Variants in ZDHHC7 observed in about 807,000 individuals in gnomAD.
The protein encoded by ZDHHC7 is palmitoyltransferase ZDHHC7.
Under a neutral mutation model 34.1 loss-of-function variants are expected in ZDHHC7, and 12 were observed. That is an observed-to-expected ratio of 0.35 (90% CI 0.23 to 0.57). The LOEUF (loss-of-function observed/expected upper bound fraction) is 0.57, where lower values mean the gene tolerates loss of function less well. Among genes scored for constraint, ZDHHC7 ranks in the 20% least tolerant of loss-of-function variants. The pLI is 0.84. For missense variants in ZDHHC7, 388 were observed against 402.7 expected (o/e 0.96, Z 0.31); for synonymous variants, 185 against 155.4 (o/e 1.19, Z -1.42).
the ZDHHC7 span, among the ~76,000 whole-genome samples, chr16:85,024,061 G>C: frequency 6.6e-6 from 1 of 151,964 alleles, no homozygotes; most frequent in Admixed American, 6.6e-5. Context: ...GAGATTTCAG[G>C]CATGTGCCAC....
chr16:85,016,045 A>T (rs1281286594), upstream of ZDHHC7, among the ~76,000 whole-genome samples: 1 of 151,988 alleles, frequency 6.6e-6, no homozygotes, highest in Non-Finnish European at 1.5e-5. Flanking sequence ...ATATATAGTG[A>T]GGCATTTCCA....
At chr16:85,012,279 G>A (rs761001530), upstream of ZDHHC7, among the ~76,000 whole-genome samples, 2 of 151,252 alleles carry the variant, frequency 1.3e-5, no homozygotes, top group Non-Finnish European at 2.9e-5. Context: ...GCAGCTACTC[G>A]AGAGGCTGAG....
intron 3 of ZDHHC7, among the ~76,000 whole-genome samples, chr16:84,986,773 T>C (rs941602127): frequency 2.0e-5 from 3 of 152,164 alleles, no homozygotes; most frequent in Admixed American, 6.5e-5. Flanking sequence ...CCCAGTCCTA[T>C]TGGTTTAGAA....
intron 1 of ZDHHC7, among the ~76,000 whole-genome samples, chr16:85,006,716 G>A (rs559059883): frequency 6.7e-6 from 1 of 149,914 alleles, no homozygotes; most frequent in East Asian, 2.0e-4. Flanking sequence ...CTCCAGCCTA[G>A]GTGACAGAAT....
At chr16:84,998,391 T>A (rs543842440) in intron 1 of ZDHHC7, among the ~76,000 whole-genome samples, 1 of 152,238 alleles carries the variant, frequency 6.6e-6, no homozygotes, top group South Asian at 2.1e-4. Flanking sequence ...GGCTCTGGCT[T>A]CGGCGCCGGC....
At chr16:84,990,683 A>ATCCCAGCACTTTGGGAGGCCGAG in intron 2 of ZDHHC7, 48 bp from the exon 3 acceptor site, 1 of 1,502,672 alleles carries the variant, frequency 6.7e-7, no homozygotes, top group Admixed American at 1.9e-5. Flanking sequence ...AAAGCTCACA[A>ATCCCAGCACTTTGGGAGGCCGAG]GCTACCTTAA....
upstream of ZDHHC7, among the ~76,000 whole-genome samples, chr16:85,013,251 A>G (rs1331735490): frequency 1.3e-5 from 2 of 151,810 alleles, no homozygotes; most frequent in Admixed American, 6.6e-5. Context: ...TATTATTATT[A>G]TTTTACTTTG....
intron 3 of ZDHHC7, 83 bp from the exon 4 acceptor site, chr16:84,982,077 A>T (rs2072377509): frequency 3.1e-5 from 49 of 1,564,320 alleles, no homozygotes; most frequent in Non-Finnish European, 4.3e-5. Flanking sequence ...CACACCTGTA[A>T]TCCCAGCACT....
At position 84,974,286 on chromosome 16, in the gene ZDHHC7, C is replaced by G. The variant is rs1313379146; in HGVS notation, c.*2057G>C. ...ACAAGCAACAGTACTCACTGGGCAA[C>G]ATTTGTGAGTCGCGCTTGAGTGCCC... On this transcript the variant is annotated 3_prime_UTR_variant, in exon 8 of 8. Coordinates refer to ENST00000313732, the MANE Select transcript of ZDHHC7 (RefSeq NM_017740.3). 6.6e-6 allele frequency: 1 copy of G among 152,162 alleles called. No homozygotes were observed. Among genetic ancestry groups the G allele is most frequent in the Non-Finnish European group, 1.5e-5 (1 of 68,036 alleles). 9.4% of individuals were successfully genotyped at this position (152,162 alleles called of 1,614,324 possible).
intron 1 of ZDHHC7, among the ~76,000 whole-genome samples, chr16:85,009,772 G>A (rs9935407): frequency 0.16 from 23,869 of 145,678 alleles, 1,989 homozygotes; most frequent in Middle Eastern, 0.2. Context: ...GCAGTGGCGC[G>A]ATCTTGGCTC....
chr16:84,981,665 G>C (rs954589165), intron 4 of ZDHHC7, among the ~76,000 whole-genome samples: 19 of 152,204 alleles, frequency 1.2e-4, no homozygotes, highest in African/African-American at 4.6e-4. Flanking sequence ...CTGTTTCCCA[G>C]CTCCCAAAAA....
intron 4 of ZDHHC7, among the ~76,000 whole-genome samples, chr16:84,980,561 T>C (rs894584029): frequency 2.6e-5 from 4 of 151,838 alleles, no homozygotes; most frequent in African/African-American, 9.7e-5. Context: ...TCCCAGCTAC[T>C]AGGGAGGCTG....
intron 4 of ZDHHC7, 23 bp downstream of exon 4, chr16:84,981,847 G>A (rs370601961): frequency 6.8e-6 from 11 of 1,613,442 alleles, no homozygotes; most frequent in Non-Finnish European, 9.3e-6. Context: ...ATGCGCTCGG[G>A]TTTAATACAG....
chr16:85,005,414 CT>C (rs2072705795), intron 1 of ZDHHC7, among the ~76,000 whole-genome samples: 1 of 152,198 alleles, frequency 6.6e-6, no homozygotes, highest in African/African-American at 2.4e-5. Flanking sequence ...AGCATCTACT[CT>C]GTTTGTCAGG....
At chr16:85,007,910 C>T (rs113738450) in intron 1 of ZDHHC7, among the ~76,000 whole-genome samples, 5,037 of 152,068 alleles carry the variant, frequency 0.033, 127 homozygotes, top group Middle Eastern at 0.044. Flanking sequence ...ATTGCTTGGG[C>T]CCAGGGGTTT....
At chr16:85,010,467 G>A (rs149039892) in intron 1 of ZDHHC7, among the ~76,000 whole-genome samples, 3 of 152,276 alleles carry the variant, frequency 2.0e-5, no homozygotes, top group Non-Finnish European at 2.9e-5. Flanking sequence ...TAAACCCCTT[G>A]GGATAGTAAC....
At chr16:85,024,922 T>C in the ZDHHC7 span, among the ~76,000 whole-genome samples, 16 of 152,224 alleles carry the variant, frequency 1.1e-4, no homozygotes, top group African/African-American at 3.1e-4. Context: ...CTTTTTTCCA[T>C]GGGGGCTGCT....
chr16:85,014,735 T>G (rs2072827254), upstream of ZDHHC7, among the ~76,000 whole-genome samples: 1 of 152,224 alleles, frequency 6.6e-6, no homozygotes, highest in Non-Finnish European at 1.5e-5. Flanking sequence ...AGATTTATTC[T>G]GATCCACATA....
chr16:85,012,250 G>T (rs1002729548), upstream of ZDHHC7, among the ~76,000 whole-genome samples: 7 of 151,928 alleles, frequency 4.6e-5, no homozygotes, highest in Non-Finnish European at 1.0e-4. Context: ...GGATGTAGTG[G>T]TGCACGCCTG....
Sources: allele counts gnomAD v4.1 joint callset (sites outside exome capture counted in the v4.1 genomes callset), GRCh38; gene constraint gnomAD v4.1.1; transcripts MANE v1.5; gene names NCBI Gene and HGNC (gene_info 2026-07-23, HGNC 2026-07-21).